COG5: variants seen among roughly 807,000 people sequenced by gnomAD.
The protein encoded by COG5 is conserved oligomeric Golgi complex subunit 5.
COG5 carries 86 observed loss-of-function variants against 110.4 expected under a neutral mutation model. The ratio of observed to expected loss-of-function variants is 0.78; its 90% CI spans 0.65 to 0.93. The LOEUF is 0.93. Among genes scored for constraint, COG5 ranks in the 40% least tolerant of loss-of-function variants. The pLI is 0.00. For missense variants in COG5, 1,077 were observed against 987.0 expected (o/e 1.09, Z -1.22); for synonymous variants, 360 against 334.6 (o/e 1.08, Z -0.83).
At chr7:107,256,624 A>G in intron 16 of COG5, 108 bp downstream of exon 16, 1 of 718,272 alleles carries the variant, frequency 1.4e-6, no homozygotes, top group Non-Finnish European at 2.5e-6. Context: ...CTACTTTTGT[A>G]TATATAGAGG....
intron 12 of COG5, among the ~76,000 whole-genome samples, chr7:107,297,226 A>T (rs937472711): frequency 6.6e-6 from 1 of 152,194 alleles, no homozygotes; most frequent in Admixed American, 6.5e-5. Context: ...GGCTGTAATG[A>T]AACATTTATT....
At chr7:107,518,592 T>C (rs1800111049) in intron 6 of COG5, among the ~76,000 whole-genome samples, 1 of 152,096 alleles carries the variant, frequency 6.6e-6, no homozygotes, top group African/African-American at 2.4e-5. Flanking sequence ...AATGGATCAA[T>C]TCAACAAGAA....
intron 18 of COG5, among the ~76,000 whole-genome samples, chr7:107,234,773 T>C (rs1801047541): frequency 6.6e-6 from 1 of 151,356 alleles, no homozygotes; most frequent in African/African-American, 2.4e-5. Flanking sequence ...TGAGTATAGT[T>C]CACACTTTTT....
chr7:107,505,791 T>G (rs1001726903), intron 6 of COG5, among the ~76,000 whole-genome samples: 3 of 152,206 alleles, frequency 2.0e-5, no homozygotes, highest in Non-Finnish European at 4.4e-5. Context: ...TGGTACACTC[T>G]CCCTTCCCCT....
intron 19 of COG5, among the ~76,000 whole-genome samples, chr7:107,215,950 C>A (rs1799500531): frequency 6.6e-6 from 1 of 152,000 alleles, no homozygotes; most frequent in Admixed American, 6.5e-5. Flanking sequence ...ACCTTGTGAT[C>A]CACCCACCTC....
At chr7:107,383,660 G>A (rs900167479) in intron 7 of COG5, among the ~76,000 whole-genome samples, 6 of 152,144 alleles carry the variant, frequency 3.9e-5, no homozygotes, top group African/African-American at 1.4e-4. Flanking sequence ...ACGTACCCCA[G>A]GTATCTGGTA....
At position 107,410,573 on chromosome 7, in the gene COG5, G is replaced by A. The variant is rs559873587; in HGVS notation, c.669+1929C>T. 2.3e-4 allele frequency among the ~76,000 whole-genome samples: 35 copies of A among 152,128 alleles called. No individual in the cohort carries two copies. The South Asian group carries it at 6.8e-3, about 30-fold the overall frequency. ...TTCTCCTGCCTCAGCCTCCCGAGTC[G>A]CTGGGATTACAGGAGTGCGCCACAA... On this transcript the variant is annotated intron_variant, in intron 7 of 21. Coordinates refer to ENST00000297135, the MANE Select transcript of COG5 (RefSeq NM_006348.5).
chr7:107,507,129 C>T (rs909866083), intron 6 of COG5, among the ~76,000 whole-genome samples: 1 of 152,128 alleles, frequency 6.6e-6, no homozygotes, highest in Non-Finnish European at 1.5e-5. Flanking sequence ...GGGTGTGTAT[C>T]CTGGAGGCAG....
intron 10 of COG5, among the ~76,000 whole-genome samples, chr7:107,360,265 G>A (rs1338672799): frequency 2.0e-5 from 3 of 152,182 alleles, no homozygotes; most frequent in African/African-American, 7.2e-5. Context: ...GGGACGATCT[G>A]CTTGCAGAAA....
intron 19 of COG5, among the ~76,000 whole-genome samples, chr7:107,215,041 TAG>T (rs1250424561): frequency 6.6e-6 from 1 of 152,016 alleles, no homozygotes; most frequent in Non-Finnish European, 1.5e-5. Context: ...AATAAAAATG[TAG>T]AGTTGTTGTA....
chr7:107,508,099 A>T (rs2712204), intron 6 of COG5, among the ~76,000 whole-genome samples: 30,730 of 152,176 alleles, frequency 0.2, 3,415 homozygotes, highest in East Asian at 0.33. Flanking sequence ...ACTCGGGAAG[A>T]GCAAGGGGTC....
intron 11 of COG5, among the ~76,000 whole-genome samples, chr7:107,322,246 T>C (rs937138411): frequency 3.3e-5 from 5 of 152,130 alleles, no homozygotes; most frequent in Admixed American, 2.0e-4. Context: ...TCCTCATGAA[T>C]GAGATTAGTG....
chr7:107,411,200 G>C (rs760304160), intron 7 of COG5, among the ~76,000 whole-genome samples: 1 of 152,202 alleles, frequency 6.6e-6, no homozygotes, highest in Non-Finnish European at 1.5e-5. Flanking sequence ...GGGCTACAGA[G>C]TCAAATCCAG....
At chr7:107,379,518 A>G (rs1234960844) in intron 7 of COG5, among the ~76,000 whole-genome samples, 1 of 151,030 alleles carries the variant, frequency 6.6e-6, no homozygotes, top group African/African-American at 2.4e-5. Context: ...GGCTATACTC[A>G]GGAGACCCAT....
At chr7:107,459,329 GAGCACAA>G (rs1795850553) in intron 6 of COG5, among the ~76,000 whole-genome samples, 1 of 152,038 alleles carries the variant, frequency 6.6e-6, no homozygotes, top group Non-Finnish European at 1.5e-5. Flanking sequence ...GATTATCATT[GAGCACAA>G]AGACATGTAT....
chr7:107,353,424 C>CAAAAAA (rs1169669994), intron 10 of COG5, among the ~76,000 whole-genome samples: 10 of 84,066 alleles, frequency 1.2e-4, no homozygotes, highest in Non-Finnish European at 1.7e-4. Context: ...GACTCCGTCT[C>CAAAAAA]AAAAAAAAAA....
intron 5 of COG5, among the ~76,000 whole-genome samples, chr7:107,537,697 T>C (rs1309328797): frequency 6.7e-6 from 1 of 149,588 alleles, no homozygotes; most frequent in Admixed American, 6.7e-5. Context: ...GTAACAAACC[T>C]GCACATTCTG....
chr7:107,445,251 A>C (rs570694881), intron 6 of COG5, among the ~76,000 whole-genome samples: 1 of 152,282 alleles, frequency 6.6e-6, no homozygotes, highest in East Asian at 1.9e-4. Flanking sequence ...GGAGTTACAA[A>C]AACACACTCT....
intron 7 of COG5, among the ~76,000 whole-genome samples, chr7:107,383,682 G>A (rs1030598034): frequency 1.3e-5 from 2 of 152,120 alleles, no homozygotes; most frequent in Admixed American, 6.5e-5. Flanking sequence ...GAAGAGAAGG[G>A]AACCAGGGCT....
Sources: allele counts gnomAD v4.1 joint callset (sites outside exome capture counted in the v4.1 genomes callset), GRCh38; gene constraint gnomAD v4.1.1; transcripts MANE v1.5; gene names NCBI Gene and HGNC (gene_info 2026-07-23, HGNC 2026-07-21).